Variants in PRKCE observed in about 807,000 individuals in gnomAD.
PRKCE encodes the protein protein kinase C epsilon type.
A neutral mutation model predicts 85.4 loss-of-function variants in PRKCE; 16 were observed. That is an observed-to-expected ratio of 0.19 (90% CI 0.13 to 0.28). The LOEUF (loss-of-function observed/expected upper bound fraction) is 0.28, where lower values mean the gene tolerates loss of function less well. Among genes scored for constraint, PRKCE ranks in the 10% least tolerant of loss-of-function variants. The pLI, the probability that PRKCE is intolerant of heterozygous loss-of-function variation, is 1.00. For synonymous variants in PRKCE, 388 were observed against 371.5 expected, an observed-to-expected ratio of 1.04 and a Z score of -0.51; for missense variants, 573 against 975.2, an observed-to-expected ratio of 0.59 and a Z score of 5.49.
intron 2 of PRKCE, among the ~76,000 whole-genome samples, chr2:45,877,918 G>A (rs986274775): frequency 1.3e-5 from 2 of 152,202 alleles, no homozygotes; most frequent in African/African-American, 2.4e-5. Context: ...GAACTTCACC[G>A]AATCACCACA....
At chr2:45,965,999 T>C (rs915417335) in intron 2 of PRKCE, among the ~76,000 whole-genome samples, 7 of 151,634 alleles carry the variant, frequency 4.6e-5, no homozygotes, top group Non-Finnish European at 7.4e-5. Context: ...TGTGGGGAGG[T>C]GGGTGATCAG....
At chr2:45,655,239 A>G (rs1355627421) in intron 1 of PRKCE, among the ~76,000 whole-genome samples, 1 of 152,170 alleles carries the variant, frequency 6.6e-6, no homozygotes, top group Non-Finnish European at 1.5e-5. Context: ...GTACCCACAT[A>G]TACATCAAGC....
intron 1 of PRKCE, among the ~76,000 whole-genome samples, chr2:45,654,509 C>T (rs564393880): frequency 6.6e-5 from 10 of 152,330 alleles, no homozygotes; most frequent in Admixed American, 5.2e-4. Context: ...GGGCCCTCAC[C>T]GCCTGTTGCC....
intron 11 of PRKCE, among the ~76,000 whole-genome samples, chr2:46,122,067 A>G (rs182754577): frequency 6.6e-6 from 1 of 152,218 alleles, no homozygotes; most frequent in Admixed American, 6.5e-5. Flanking sequence ...ATACACACCT[A>G]TGTAACCCAA....
chr2:46,135,745 G>GTTTTTTTTTTTTTTT (rs1558491144), intron 11 of PRKCE, among the ~76,000 whole-genome samples: 1 of 14,902 alleles, frequency 6.7e-5, no homozygotes, highest in African/African-American at 2.7e-4. Context: ...AACAAATTAT[G>GTTTTTTTTTTTTTTT]CTTTTTTTTT....
chr2:45,661,247 A>T (rs1357483982), intron 1 of PRKCE, among the ~76,000 whole-genome samples: 1 of 152,060 alleles, frequency 6.6e-6, no homozygotes, highest in East Asian at 1.9e-4. Flanking sequence ...CAGTGGCATG[A>T]TATCGGATCA....
At chr2:46,157,043 C>T (rs1449705778) in intron 13 of PRKCE, among the ~76,000 whole-genome samples, 1 of 152,200 alleles carries the variant, frequency 6.6e-6, no homozygotes, top group East Asian at 1.9e-4. Context: ...GCTTTTTCTA[C>T]TCAGTGAGAT....
At chr2:45,891,075 T>A (rs564173107) in intron 2 of PRKCE, among the ~76,000 whole-genome samples, 2 of 152,244 alleles carry the variant, frequency 1.3e-5, no homozygotes, top group East Asian at 3.9e-4. Context: ...TGGGTTGGGT[T>A]TGATATTGTG....
rs561467976 is a variant in PRKCE at position 46,139,088 on chromosome 2, G to A, written c.1593-6005G>A. On this transcript the variant is annotated intron_variant, in intron 11 of 14. Coordinates refer to ENST00000306156, the MANE Select transcript of PRKCE (RefSeq NM_005400.3). The surrounding 1 kb of genome is among the most constrained non-coding windows in gnomAD (Gnocchi z 5.2). ...GCTATCGCAAAGGCATTCAGGCTGA[G>A]GGGGAAATGCTAGGAGTGGCCCTCC... 6.6e-6 allele frequency among the ~76,000 whole-genome samples: 1 copy of A among 152,250 alleles called. No homozygotes were observed. The highest frequency in any genetic ancestry group is 2.1e-4 in the South Asian group (1 of 4,826).
intron 2 of PRKCE, among the ~76,000 whole-genome samples, chr2:45,970,242 C>T (rs889633415): frequency 4.6e-5 from 7 of 152,086 alleles, no homozygotes; most frequent in South Asian, 2.1e-4. Context: ...AAATTGGTTA[C>T]TTTTTTAGGT....
At chr2:45,882,215 C>T (rs563501096) in intron 2 of PRKCE, among the ~76,000 whole-genome samples, 2 of 152,310 alleles carry the variant, frequency 1.3e-5, no homozygotes, top group South Asian at 4.1e-4. Context: ...GTTGAGGATG[C>T]CATGGTGATA....
At chr2:45,888,640 G>A (rs868209258) in intron 2 of PRKCE, among the ~76,000 whole-genome samples, 2 of 151,854 alleles carry the variant, frequency 1.3e-5, no homozygotes, top group Non-Finnish European at 2.9e-5. Flanking sequence ...CAGTAGAGAT[G>A]GGGGTTTCAC....
At chr2:45,824,870 C>T (rs1278041231) in intron 1 of PRKCE, among the ~76,000 whole-genome samples, 1 of 152,094 alleles carries the variant, frequency 6.6e-6, no homozygotes, top group Non-Finnish European at 1.5e-5. Flanking sequence ...TCTCTTCTCC[C>T]TTAGAAGTTG....
At chr2:45,770,574 A>G (rs1685236077) in intron 1 of PRKCE, among the ~76,000 whole-genome samples, 1 of 152,238 alleles carries the variant, frequency 6.6e-6, no homozygotes. Context: ...GGGCACAGCC[A>G]TGGTACCGCC....
intron 2 of PRKCE, among the ~76,000 whole-genome samples, chr2:45,957,013 G>T (rs765284263): frequency 2.0e-5 from 3 of 149,412 alleles, no homozygotes; most frequent in Non-Finnish European, 4.5e-5. Context: ...ATTGAGTTCT[G>T]AGAGTTCTTT....
chr2:45,787,902 T>C (rs998440915), intron 1 of PRKCE, among the ~76,000 whole-genome samples: 2 of 152,192 alleles, frequency 1.3e-5, no homozygotes, highest in Non-Finnish European at 2.9e-5. Context: ...ATCCAGAGCA[T>C]TGCGATCCTG....
intron 2 of PRKCE, among the ~76,000 whole-genome samples, chr2:45,903,158 G>A (rs995730548): frequency 1.3e-5 from 2 of 152,340 alleles, no homozygotes; most frequent in Non-Finnish European, 2.9e-5. Context: ...GTGCCCGAGG[G>A]AGTTGATTGG....
intron 1 of PRKCE, among the ~76,000 whole-genome samples, chr2:45,820,215 C>G (rs1689416210): frequency 6.6e-6 from 1 of 152,052 alleles, no homozygotes. Context: ...TTTAAGTGCC[C>G]AGAAATGTTC....
chr2:45,872,178 G>C lies in PRKCE; in HGVS notation c.412+29115G>C, dbSNP rs752672315. 1.4e-4 allele frequency among the ~76,000 whole-genome samples: 22 copies of C among 152,254 alleles called. No homozygotes were observed. In the Middle Eastern group the frequency reaches 0.01, roughly 71 times the overall value. On this transcript the variant is annotated intron_variant, in intron 2 of 14. Transcript: ENST00000306156. ...GATATGAACTGTAGGGGGTGGGGAT[G>C]CTGGGATGTTAGGGGAACAGGGAGC...
Sources: gnomAD v4.1 joint callset for allele counts (sites outside exome capture counted in the v4.1 genomes callset) on GRCh38, gnomAD v4.1.1 for gene constraint, Gnocchi (gnomAD v3.1) non-coding constraint, MANE v1.5 for transcripts, NCBI Gene and HGNC (gene_info 2026-07-23, HGNC 2026-07-21) for gene names.